Variants in TTC1 observed in about 807,000 individuals in gnomAD.
TTC1 encodes the protein tetratricopeptide repeat protein 1.
TTC1 carries 31 observed loss-of-function variants against 37.6 expected under a neutral mutation model. The ratio of observed to expected loss-of-function variants is 0.82; its 90% confidence interval spans 0.62 to 1.11. TTC1 has a LOEUF of 1.11. Among genes scored for constraint, TTC1 ranks in the 50% most tolerant of loss-of-function variants. The pLI, the probability that TTC1 is intolerant of heterozygous loss-of-function variation, is 0.00. For synonymous variants in TTC1, 127 were observed against 122.4 expected, an observed-to-expected ratio of 1.04 and a Z score of -0.25; for missense variants, 351 against 339.0, an observed-to-expected ratio of 1.04 and a Z score of -0.28.
intron 7 of TTC1, among the ~76,000 whole-genome samples, chr5:160,055,257 T>C (rs1415910695): frequency 2.0e-5 from 3 of 152,242 alleles, no homozygotes; most frequent in Non-Finnish European, 4.4e-5. Context: ...TCTGTATGTA[T>C]ATATTTTTGG....
intron 4 of TTC1, among the ~76,000 whole-genome samples, chr5:160,037,412 A>C (rs1448340478): frequency 6.6e-6 from 1 of 152,172 alleles, no homozygotes; most frequent in Non-Finnish European, 1.5e-5. Context: ...TTATACCATG[A>C]CCTTATTAAA....
At chr5:160,060,810 T>C (rs1317462072) in intron 7 of TTC1, among the ~76,000 whole-genome samples, 2 of 152,230 alleles carry the variant, frequency 1.3e-5, no homozygotes, top group Non-Finnish European at 2.9e-5. Flanking sequence ...ACCAAAAACT[T>C]GTTGATTCTA....
At chr5:160,022,296 T>G (rs1168399053) in intron 2 of TTC1, among the ~76,000 whole-genome samples, 2 of 152,228 alleles carry the variant, frequency 1.3e-5, no homozygotes, top group Admixed American at 1.3e-4. Context: ...TGTAGTCTGC[T>G]GAAGAGTGGT....
At chr5:160,054,806 G>A (rs1309606348) in intron 7 of TTC1, among the ~76,000 whole-genome samples, 4 of 152,176 alleles carry the variant, frequency 2.6e-5, no homozygotes, top group Admixed American at 6.6e-5. Flanking sequence ...AAGCCTTTAT[G>A]GGTATATTTC....
chr5:160,037,319 A>G (rs1346731007), intron 4 of TTC1, among the ~76,000 whole-genome samples: 1 of 152,238 alleles, frequency 6.6e-6, no homozygotes, highest in Non-Finnish European at 1.5e-5. Context: ...AGGAACTTTG[A>G]AAACATTTTG....
At chr5:160,010,358 TG>T (rs1392078558) in intron 1 of TTC1, 141 bp from the exon 2 acceptor site, 28 of 544,454 alleles carry the variant, frequency 5.1e-5, no homozygotes, top group Non-Finnish European at 9.1e-5. Context: ...TATGATAAGC[TG>T]TATTTTTAAA....
intron 2 of TTC1, among the ~76,000 whole-genome samples, chr5:160,013,235 T>A (rs570570286): frequency 1.3e-5 from 2 of 152,310 alleles, no homozygotes; most frequent in East Asian, 3.9e-4. Context: ...TAGGTGTTTG[T>A]ATGCTATTTT....
intron 2 of TTC1, among the ~76,000 whole-genome samples, chr5:160,021,714 C>T (rs1413590680): frequency 4.6e-5 from 7 of 152,094 alleles, no homozygotes; most frequent in African/African-American, 1.7e-4. Flanking sequence ...TCAAAGAAGA[C>T]AAAACCAAAA....
At position 160,010,657 on chromosome 5, in the gene TTC1, T is replaced by TA; in HGVS notation, c.131dup (p.Leu45AlafsTer5). On this transcript the variant is annotated frameshift_variant, in exon 2 of 8. Coordinates refer to ENST00000231238, the MANE Select transcript of TTC1 (RefSeq NM_003314.3). LOFTEE classifies it high-confidence loss of function. ...ATCCCAAAAATCAGCATTCCCAGAG[T>TA]AAGCTGCTCAGGGATGATGAGGCCC... The TA allele has an allele frequency of 1.2e-6, 2 of 1,613,668 alleles. No homozygotes were observed. Among genetic ancestry groups the TA allele is most frequent in the Non-Finnish European group, 1.7e-6 (2 of 1,179,864 alleles).
At chr5:160,050,145 T>TA (rs1757363566) in intron 6 of TTC1, among the ~76,000 whole-genome samples, 1 of 151,546 alleles carries the variant, frequency 6.6e-6, no homozygotes, top group Non-Finnish European at 1.5e-5. Context: ...TAAGACTTTG[T>TA]ATCTTAAAAA....
intron 5 of TTC1, among the ~76,000 whole-genome samples, chr5:160,048,126 CTTTTTTTTTTTTTTTTT>C (rs56201199): frequency 4.1e-3 from 146 of 35,566 alleles, no homozygotes; most frequent in African/African-American, 0.015. Flanking sequence ...CAAGACATTG[CTTTTTTTTTTTTTTTTT>C]TTTTTTTTTT....
chr5:160,043,320 A>G, intron 5 of TTC1, 151 bp downstream of exon 5: 1 of 651,494 alleles, frequency 1.5e-6, no homozygotes, highest in Non-Finnish European at 2.5e-6. Flanking sequence ...GATACTATAT[A>G]ATAGAGTAAC....
intron 4 of TTC1, among the ~76,000 whole-genome samples, chr5:160,040,265 TACAC>T (rs34348207): frequency 6.6e-6 from 1 of 150,830 alleles, no homozygotes; most frequent in Admixed American, 6.6e-5. Flanking sequence ...CACATATGTA[TACAC>T]ACACACACAC....
intron 4 of TTC1, among the ~76,000 whole-genome samples, chr5:160,041,401 C>T (rs1468820855): frequency 6.6e-6 from 1 of 150,926 alleles, no homozygotes; most frequent in African/African-American, 2.4e-5. Flanking sequence ...ACCTCTGCCT[C>T]CCGGTTTCAA....
Position 160,010,789 on chromosome 5 carries a change from G to C in TTC1, c.261G>C (p.Val87=). The change falls in exon 2 of 8, where the codon GTG becomes GTC. Residue 87 remains valine (V), a synonymous_variant. Transcript: ENST00000231238. The stretch of plus-strand genomic sequence containing the variant: ...TTGAGAACAAATCTAATGAAGATGT[G>C]AATTCCTCTGAACTAGATGAAGAAT... ...DKVENKSNED[V]NSSELDEEYL... is the part of the protein sequence containing the mutation. 6.2e-7 allele frequency: 1 copy of C among 1,614,184 alleles called. No individual in the cohort carries two copies. The highest frequency in any genetic ancestry group is 1.1e-5 in the South Asian group (1 of 91,080).
Position 160,065,361 on chromosome 5 carries a change from C to T in TTC1, c.*296C>T, listed in dbSNP as rs1171624844. 13 of 524,348 alleles carry T rather than the reference C, an allele frequency of 2.5e-5. No homozygotes were observed. Among genetic ancestry groups the T allele is most frequent in the Non-Finnish European group, 4.0e-5 (11 of 272,500 alleles). The allele number at this position is 524,348 out of a possible 1,614,324, so 32.5% of individuals were successfully genotyped here. ...ATTTGTTGAGGCTGACCTTCCTGAT[C>T]ATACACACACACAGCCCAGCAAAAG... is the stretch of plus-strand genomic sequence containing the variant. On this transcript the variant is annotated 3_prime_UTR_variant, in exon 8 of 8. Transcript: ENST00000231238.
intron 2 of TTC1, among the ~76,000 whole-genome samples, chr5:160,019,633 G>A (rs923229663): frequency 1.6e-5 from 2 of 128,448 alleles, no homozygotes; most frequent in Non-Finnish European, 1.6e-5. Context: ...TGTTGCCCAA[G>A]CTGGAGTGCA....
chr5:160,017,533 A>G (rs1397799636), intron 2 of TTC1, among the ~76,000 whole-genome samples: 3 of 152,222 alleles, frequency 2.0e-5, no homozygotes, highest in East Asian at 1.9e-4. Flanking sequence ...TTCAACATGA[A>G]TTTTGGAGGG....
intron 2 of TTC1, among the ~76,000 whole-genome samples, chr5:160,024,606 C>T (rs571262673): frequency 3.7e-4 from 57 of 152,218 alleles, no homozygotes; most frequent in Non-Finnish European, 2.9e-4. Flanking sequence ...AAGTGATCCT[C>T]CTGCCTCAGC....
Sources: gnomAD v4.1 joint callset for allele counts (sites outside exome capture counted in the v4.1 genomes callset) on GRCh38, gnomAD v4.1.1 for gene constraint, MANE v1.5 for transcripts, NCBI Gene and HGNC (gene_info 2026-07-23, HGNC 2026-07-21) for gene names.